Variants in ATG7 observed in about 807,000 individuals in gnomAD.
ATG7 encodes ubiquitin-like modifier-activating enzyme ATG7.
A neutral mutation model predicts 82.4 loss-of-function variants in ATG7; 70 were observed. The observed-to-expected ratio is 0.85, with a 90% CI of 0.70 to 1.04. ATG7 has a LOEUF of 1.04. Among genes scored for constraint, ATG7 ranks in the 50% least tolerant of loss-of-function variants. The pLI is 0.00. For synonymous variants in ATG7, 287 were observed against 313.0 expected, an observed-to-expected ratio of 0.92 and a Z score of 0.88; for missense variants, 792 against 864.3, an observed-to-expected ratio of 0.92 and a Z score of 1.05.
At position 11,426,906 on chromosome 3, in the gene ATG7, C is replaced by G; in HGVS notation, c.2059C>G (p.Gln687Glu). Residue 687 changes from glutamine to glutamate, a missense_variant, in exon 20 of 21, where the codon CAA (glutamine) becomes GAA (glutamate). Coordinates refer to ENST00000693202, the MANE Select transcript of ATG7 (RefSeq NM_001349232.2). ...EDLTGLTLLH[Q>E]ETQAAEIWDM... Reference sequence around the variant, plus strand: ...CTTGACTGGTCTTACATTGCTGCATCAAGAAACCCAAGCTGCTGAGGTAAG... The same window carrying G: ...CTTGACTGGTCTTACATTGCTGCATGAAGAAACCCAAGCTGCTGAGGTAAG... The G allele has an allele frequency of 6.2e-7, 1 of 1,604,528 alleles. No homozygotes were observed.
At chr3:11,409,313 C>G (rs1391444814) in intron 19 of ATG7, among the ~76,000 whole-genome samples, 2 of 152,128 alleles carry the variant, frequency 1.3e-5, no homozygotes, top group Non-Finnish European at 2.9e-5. Context: ...GTATGATATT[C>G]TCTTGAGATG....
chr3:11,534,946 C>T (rs2092762147), intron 20 of ATG7, among the ~76,000 whole-genome samples: 5 of 152,246 alleles, frequency 3.3e-5, no homozygotes, highest in Admixed American at 3.3e-4. Flanking sequence ...GACTTCCTGG[C>T]AGAAGCCTCC....
intron 20 of ATG7, among the ~76,000 whole-genome samples, chr3:11,444,139 G>C (rs1161998864): frequency 6.6e-6 from 1 of 152,158 alleles, no homozygotes; most frequent in African/African-American, 2.4e-5. Flanking sequence ...CCCATTTGCT[G>C]TGCGGCTAAA....
At chr3:11,346,481 A>G (rs1954568456) in intron 13 of ATG7, 1 of 152,190 alleles carries the variant, frequency 6.6e-6, no homozygotes, top group Admixed American at 6.5e-5. Flanking sequence ...TCCCTACCAC[A>G]TCCTCACCAG....
At chr3:11,499,976 G>A (rs1329344243) in intron 20 of ATG7, among the ~76,000 whole-genome samples, 2 of 152,058 alleles carry the variant, frequency 1.3e-5, no homozygotes, top group Admixed American at 6.6e-5. Context: ...TTCCTGATGG[G>A]CCACAAACGC....
chr3:11,435,349 G>A (rs1285780623), intron 20 of ATG7, among the ~76,000 whole-genome samples: 2 of 152,100 alleles, frequency 1.3e-5, no homozygotes, highest in East Asian at 1.9e-4. Flanking sequence ...CACCAGACTC[G>A]GTGCCACTTT....
At chr3:11,285,334 C>T (rs1943813686) in intron 3 of ATG7, among the ~76,000 whole-genome samples, 1 of 151,536 alleles carries the variant, frequency 6.6e-6, no homozygotes, top group African/African-American at 2.4e-5. Flanking sequence ...CTACAGGTGC[C>T]TGGCAATTTT....
rs538594418 is a variant in ATG7 at position 11,319,574 on chromosome 3, C to T, written c.678+4081C>T. ...TTCCTCCCAAGTAATTCAATTTTCT[C>T]TCACCGGCCTGAACCTCCCTCTGGA... On this transcript the variant is annotated intron_variant, in intron 9 of 20. Transcript: ENST00000693202. Among the ~76,000 whole-genome samples, 6 of 152,344 alleles carry T rather than the reference C, an allele frequency of 3.9e-5. No individual in the cohort carries two copies. In the East Asian group the frequency reaches 1.2e-3, roughly 29 times the overall value.
chr3:11,372,889 G>C (rs1046676987), intron 18 of ATG7, among the ~76,000 whole-genome samples: 4 of 150,828 alleles, frequency 2.7e-5, no homozygotes, highest in African/African-American at 4.9e-5. Context: ...TTCCCCTTGT[G>C]GGGAGAGGGG....
intron 11 of ATG7, among the ~76,000 whole-genome samples, 188 bp downstream of exon 11, chr3:11,333,281 CAA>C (rs1263010753): frequency 6.6e-6 from 1 of 152,184 alleles, no homozygotes; most frequent in Admixed American, 6.5e-5. Flanking sequence ...GGAACAAAGG[CAA>C]AGATTGTGAC....
chr3:11,380,945 CTG>C (rs1299021281), intron 19 of ATG7, among the ~76,000 whole-genome samples: 1 of 152,178 alleles, frequency 6.6e-6, no homozygotes, highest in African/African-American at 2.4e-5. Flanking sequence ...CCTTTGAAAA[CTG>C]TACTTGGGCT....
intron 3 of ATG7, among the ~76,000 whole-genome samples, chr3:11,296,238 C>T (rs1945895213): frequency 6.6e-6 from 1 of 152,206 alleles, no homozygotes; most frequent in African/African-American, 2.4e-5. Flanking sequence ...CTTTGCCCTG[C>T]TGTTGTCCAC....
intron 4 of ATG7, 27 bp downstream of exon 4, chr3:11,298,882 A>G (rs769084279): frequency 3.1e-6 from 5 of 1,612,804 alleles, no homozygotes; most frequent in Non-Finnish European, 4.2e-6. Flanking sequence ...TTCATTTTCC[A>G]TCATCTTCTG....
intron 20 of ATG7, among the ~76,000 whole-genome samples, chr3:11,430,266 T>A (rs1334505841): frequency 1.3e-5 from 2 of 152,154 alleles, no homozygotes; most frequent in Non-Finnish European, 1.5e-5. Context: ...ACTACATCAT[T>A]TTCTATTACT....
chr3:11,321,311 G>C (rs991797093), intron 9 of ATG7, among the ~76,000 whole-genome samples: 1 of 152,162 alleles, frequency 6.6e-6, no homozygotes, highest in Non-Finnish European at 1.5e-5. Flanking sequence ...TGGAGGTACT[G>C]TTCACTTGTG....
chr3:11,436,235 A>G (rs1021161682), intron 20 of ATG7, among the ~76,000 whole-genome samples: 4 of 152,358 alleles, frequency 2.6e-5, no homozygotes, highest in South Asian at 4.1e-4. Context: ...CCCAACATCA[A>G]TAGCCATTGG....
chr3:11,565,990 G>A, the ATG7 span, among the ~76,000 whole-genome samples: 2 of 152,140 alleles, frequency 1.3e-5, no homozygotes, highest in Non-Finnish European at 2.9e-5. This position sits in a 1 kb window ranked among gnomAD's most constrained non-coding sequence, Gnocchi z 4.1. Context: ...GTCATTTAAA[G>A]AAAAAGGTGG....
At chr3:11,486,157 A>G (rs2089624416) in intron 20 of ATG7, among the ~76,000 whole-genome samples, 3 of 152,170 alleles carry the variant, frequency 2.0e-5, no homozygotes, top group Non-Finnish European at 2.9e-5. Flanking sequence ...CATGATATTG[A>G]TTCTTCCTAC....
chr3:11,399,070 G>A (rs1559540342), intron 19 of ATG7, among the ~76,000 whole-genome samples: 1 of 152,104 alleles, frequency 6.6e-6, no homozygotes, highest in Non-Finnish European at 1.5e-5. Flanking sequence ...GATGCAGGCT[G>A]GGCGCAGTGG....
Sources: gnomAD v4.1 joint callset for allele counts (sites outside exome capture counted in the v4.1 genomes callset) on GRCh38, gnomAD v4.1.1 for gene constraint, Gnocchi (gnomAD v3.1) non-coding constraint, MANE v1.5 for transcripts, NCBI Gene and HGNC (gene_info 2026-07-23, HGNC 2026-07-21) for gene names.